Variants in FAM222B observed in about 807,000 individuals in gnomAD.
The protein encoded by FAM222B is family with sequence similarity 222 member B, also known as protein FAM222B.
FAM222B carries 12 observed loss-of-function variants against 38.0 expected under a neutral mutation model. The ratio of observed to expected loss-of-function variants is 0.32; its 90% CI spans 0.20 to 0.51. The LOEUF is 0.51. Ranked by LOEUF, FAM222B falls within the 20% of genes least tolerant of loss-of-function variation. The probability of loss-of-function intolerance (pLI) is 0.97; values close to 1 mark genes in which losing one functional copy is unlikely to be tolerated. For synonymous variants in FAM222B, 329 were observed against 317.2 expected (o/e 1.04, Z -0.40); for missense variants, 716 against 754.2 (o/e 0.95, Z 0.59).
chr17:28,768,175 G>A (rs1053723970), intron 1 of FAM222B, among the ~76,000 whole-genome samples: 1 of 152,158 alleles, frequency 6.6e-6, no homozygotes, highest in African/African-American at 2.4e-5. Flanking sequence ...CCATATTTCA[G>A]AAACCAAGGT....
chr17:28,814,230 A>G (rs1036992633), intron 1 of FAM222B, among the ~76,000 whole-genome samples: 1 of 152,042 alleles, frequency 6.6e-6, no homozygotes, highest in African/African-American at 2.4e-5. Context: ...AAGGCAAGCT[A>G]TTACCTAGAA....
intron 1 of FAM222B, among the ~76,000 whole-genome samples, chr17:28,847,871 G>A (rs1420299879): frequency 6.6e-6 from 1 of 150,780 alleles, no homozygotes; most frequent in African/African-American, 2.4e-5. Context: ...CCGAGATAGC[G>A]CCACTGTACT....
At position 28,791,911 on chromosome 17, in the gene FAM222B, T is replaced by C. The variant is rs549894283; in HGVS notation, c.-40-25204A>G. ...CTGACCTCAGGTGATCTGCCCGCCT[T>C]CGCCTCCCAAAGTGCTGGGATTAAA... On this transcript the variant is annotated intron_variant, in intron 1 of 2. Coordinates refer to ENST00000581407, the MANE Select transcript of FAM222B (RefSeq NM_001077498.3). 3.3e-5 allele frequency among the ~76,000 whole-genome samples: 5 copies of C among 151,178 alleles called. No homozygotes were observed. In the South Asian group the frequency reaches 1.1e-3, roughly 32 times the overall value.
At chr17:28,761,556 C>T (rs1183352721) in intron 2 of FAM222B, among the ~76,000 whole-genome samples, 7 of 152,176 alleles carry the variant, frequency 4.6e-5, no homozygotes. Flanking sequence ...CTGGGCATCA[C>T]CTAGAACAAA....
At chr17:28,836,673 G>A (rs766024844) in intron 1 of FAM222B, among the ~76,000 whole-genome samples, 11 of 152,156 alleles carry the variant, frequency 7.2e-5, no homozygotes, top group Non-Finnish European at 1.2e-4. Flanking sequence ...AACAGGATGG[G>A]GATTTTCACA....
intron 1 of FAM222B, among the ~76,000 whole-genome samples, chr17:28,839,816 A>G (rs1213477588): frequency 6.6e-6 from 1 of 152,142 alleles, no homozygotes; most frequent in Non-Finnish European, 1.5e-5. Flanking sequence ...ATCACTGTGC[A>G]TTTCCAGGAA....
chr17:28,831,912 G>A (rs547362992), intron 1 of FAM222B, among the ~76,000 whole-genome samples: 5 of 152,290 alleles, frequency 3.3e-5, no homozygotes, highest in Admixed American at 2.0e-4. Flanking sequence ...ATGCTGGGCC[G>A]AGTGCAGTGG....
intron 1 of FAM222B, among the ~76,000 whole-genome samples, chr17:28,806,099 C>G (rs1364921404): frequency 6.6e-6 from 1 of 151,844 alleles, no homozygotes; most frequent in Non-Finnish European, 1.5e-5. Context: ...TTGCAGTGAG[C>G]CGAGATCGCG....
At chr17:28,836,570 C>T (rs894494176) in intron 1 of FAM222B, among the ~76,000 whole-genome samples, 2 of 152,014 alleles carry the variant, frequency 1.3e-5, no homozygotes, top group African/African-American at 4.8e-5. Flanking sequence ...GATCACAACT[C>T]TAAGGGGGTC....
intron 1 of FAM222B, among the ~76,000 whole-genome samples, chr17:28,793,054 C>T (rs940377038): frequency 1.3e-5 from 2 of 151,880 alleles, no homozygotes; most frequent in Admixed American, 6.6e-5. Context: ...CCCCCAACAC[C>T]CCCACCCAAC....
intron 1 of FAM222B, among the ~76,000 whole-genome samples, chr17:28,778,706 TATATATA>T (rs2036016767): frequency 2.5e-5 from 2 of 80,496 alleles, no homozygotes; most frequent in Non-Finnish European, 4.8e-5. Flanking sequence ...TGTATATATA[TATATATA>T]TATATATTTT....
At chr17:28,786,718 T>A (rs1423526861) in intron 1 of FAM222B, among the ~76,000 whole-genome samples, 1 of 152,094 alleles carries the variant, frequency 6.6e-6, no homozygotes, top group African/African-American at 2.4e-5. Context: ...GGATTTCACA[T>A]GTGTACTTGG....
At chr17:28,804,664 T>G (rs2037396641) in intron 1 of FAM222B, among the ~76,000 whole-genome samples, 1 of 152,108 alleles carries the variant, frequency 6.6e-6, no homozygotes, top group African/African-American at 2.4e-5. Flanking sequence ...TAGTATTAAA[T>G]AAAACAAACT....
Position 28,756,359 on chromosome 17 carries a change from G to C in FAM222B, c.*1911C>G, listed in dbSNP as rs767512604. On this transcript the variant is annotated 3_prime_UTR_variant, in exon 3 of 3. Coordinates refer to ENST00000581407, the MANE Select transcript of FAM222B (RefSeq NM_001077498.3). ...CCCCTACACAGGAAGAGATGGGTTT[G>C]AGGTTGTTTGACTTAAAGCCCCCAA... is the stretch of plus-strand genomic sequence containing the variant. 6.6e-6 allele frequency: 1 copy of C among 152,656 alleles called. No homozygotes were observed. The highest frequency in any genetic ancestry group is 1.5e-5 in the Non-Finnish European group (1 of 68,078). 9.5% of individuals were successfully genotyped at this position (152,656 alleles called of 1,614,324 possible).
intron 1 of FAM222B, among the ~76,000 whole-genome samples, chr17:28,850,355 G>T (rs2152637939): frequency 6.6e-6 from 1 of 151,802 alleles, no homozygotes; most frequent in East Asian, 1.9e-4. Flanking sequence ...GGGCTGGAGT[G>T]CAGTGGTGCG....
intron 1 of FAM222B, among the ~76,000 whole-genome samples, chr17:28,831,325 T>C (rs2038660033): frequency 1.3e-5 from 2 of 152,076 alleles, no homozygotes; most frequent in East Asian, 1.9e-4. Context: ...GTTCTGTTCA[T>C]TGATCTATGT....
chr17:28,776,629 A>T lies in FAM222B; in HGVS notation c.-40-9922T>A, dbSNP rs147604850. Among the ~76,000 whole-genome samples, 833 of 151,478 alleles carry T rather than the reference A, an allele frequency of 5.5e-3. 4 individuals carry two copies. Among genetic ancestry groups the T allele is most frequent in the African/African-American group, 0.019 (782 of 41,312 alleles). On this transcript the variant is annotated intron_variant, in intron 1 of 2. Coordinates refer to ENST00000581407, the MANE Select transcript of FAM222B (RefSeq NM_001077498.3). ...GCCACCACCTGGTTAATTTTTAAAA[A>T]TTTTTTTGAAGAGATGGGGTCTCAC...
At chr17:28,809,271 A>G (rs989130437) in intron 1 of FAM222B, among the ~76,000 whole-genome samples, 2 of 151,914 alleles carry the variant, frequency 1.3e-5, no homozygotes, top group Admixed American at 6.6e-5. Flanking sequence ...GAACTGCTTG[A>G]ACCTGGGAAG....
intron 1 of FAM222B, among the ~76,000 whole-genome samples, chr17:28,787,729 A>G (rs1316565856): frequency 1.3e-5 from 2 of 152,188 alleles, no homozygotes; most frequent in African/African-American, 4.8e-5. Context: ...TTTCATAGCT[A>G]GGGTAAACAC....
Sources: gnomAD v4.1 joint callset for allele counts (sites outside exome capture counted in the v4.1 genomes callset) on GRCh38, gnomAD v4.1.1 for gene constraint, MANE v1.5 for transcripts, NCBI Gene and HGNC (gene_info 2026-07-23, HGNC 2026-07-21) for gene names.